Variants in RBFOX1 observed in about 807,000 individuals in gnomAD.
The protein encoded by RBFOX1 is RNA binding protein fox-1 homolog 1.
RBFOX1 carries 8 observed loss-of-function variants against 57.7 expected under a neutral mutation model. That is an observed-to-expected ratio of 0.14 (90% CI 0.08 to 0.25). The LOEUF (loss-of-function observed/expected upper bound fraction) is 0.25, where lower values mean the gene tolerates loss of function less well. RBFOX1 is among the 10% of genes least tolerant of loss of function. The probability of loss-of-function intolerance (pLI) is 1.00; values close to 1 mark genes in which losing one functional copy is unlikely to be tolerated. For synonymous variants in RBFOX1, 326 were observed against 222.4 expected (o/e 1.47, Z -4.15); for missense variants, 611 against 548.5 (o/e 1.11, Z -1.14).
chr16:5,669,890 C>T (rs530741499), intron 3 of RBFOX1, among the ~76,000 whole-genome samples: 1 of 152,174 alleles, frequency 6.6e-6, no homozygotes, highest in Non-Finnish European at 1.5e-5. Context: ...CATGAATGTT[C>T]ATAGCAACAT....
chr16:5,619,185 G>A (rs953163668), intron 3 of RBFOX1, among the ~76,000 whole-genome samples: 1 of 152,126 alleles, frequency 6.6e-6, no homozygotes, highest in East Asian at 1.9e-4. Flanking sequence ...GGCTATGTTC[G>A]TTCTTAAAAA....
At chr16:6,029,522 C>T (rs1042448009) in intron 1 of RBFOX1, among the ~76,000 whole-genome samples, 3 of 152,076 alleles carry the variant, frequency 2.0e-5, no homozygotes, top group Admixed American at 1.3e-4. Context: ...GCCTGTAATC[C>T]CAGCACTTTG....
At chr16:5,808,567 C>T (rs1274621641) in intron 3 of RBFOX1, among the ~76,000 whole-genome samples, 1 of 152,142 alleles carries the variant, frequency 6.6e-6, no homozygotes, top group Admixed American at 6.5e-5. Context: ...AATGTTCTTC[C>T]ATTTGTTTGT....
chr16:7,368,657 G>A (rs990399145), intron 4 of RBFOX1, among the ~76,000 whole-genome samples: 1 of 151,828 alleles, frequency 6.6e-6, no homozygotes, highest in Non-Finnish European at 1.5e-5. Context: ...GCGGGCACCT[G>A]TAGTCCCAGC....
chr16:6,219,675 G>C (rs2097359150), intron 1 of RBFOX1, among the ~76,000 whole-genome samples: 1 of 152,118 alleles, frequency 6.6e-6, no homozygotes, highest in South Asian at 2.1e-4. Flanking sequence ...AGGAGTTCAA[G>C]ACCAGCCTGA....
At chr16:7,221,992 G>C (rs900748810) in intron 4 of RBFOX1, among the ~76,000 whole-genome samples, 9 of 152,204 alleles carry the variant, frequency 5.9e-5, no homozygotes, top group Admixed American at 1.3e-4. Context: ...GAGAGAGGCA[G>C]CATTTTATTT....
chr16:7,559,982 A>C (rs1172985243), intron 5 of RBFOX1, among the ~76,000 whole-genome samples: 1 of 152,168 alleles, frequency 6.6e-6, no homozygotes. Context: ...AAAAGAATGG[A>C]TCCTATTTGT....
chr16:7,537,524 T>A (rs1034988), intron 5 of RBFOX1, among the ~76,000 whole-genome samples: 1 of 152,006 alleles, frequency 6.6e-6, no homozygotes, highest in African/African-American at 2.4e-5. Context: ...AACCACAACT[T>A]CACACTCTTT....
intron 4 of RBFOX1, among the ~76,000 whole-genome samples, chr16:7,237,887 C>T (rs1191059471): frequency 6.6e-6 from 1 of 152,114 alleles, no homozygotes; most frequent in Non-Finnish European, 1.5e-5. Context: ...ACCTGTGAAG[C>T]CAGCTACTCA....
intron 5 of RBFOX1, among the ~76,000 whole-genome samples, chr16:7,562,028 A>C (rs1425925897): frequency 1.3e-5 from 2 of 152,162 alleles, no homozygotes; most frequent in Non-Finnish European, 2.9e-5. Flanking sequence ...GGAAAAAAAA[A>C]ATACTGCAGG....
At chr16:7,454,871 A>G (rs1426169306) in intron 4 of RBFOX1, among the ~76,000 whole-genome samples, 1 of 152,218 alleles carries the variant, frequency 6.6e-6, no homozygotes, top group Non-Finnish European at 1.5e-5. Context: ...CAGGTACCAC[A>G]GTGTTAAAGA....
At position 6,988,774 on chromosome 16, in the gene RBFOX1, T is replaced by C. The variant is rs929958945; in HGVS notation, c.-15-63283T>C. Among the ~76,000 whole-genome samples, 62 of 147,816 alleles carry C rather than the reference T, an allele frequency of 4.2e-4. 1 individual carries two copies. Among genetic ancestry groups the C allele is most frequent in the Non-Finnish European group, 2.1e-4 (14 of 66,708 alleles). On this transcript the variant is annotated intron_variant, in intron 3 of 15. Coordinates refer to ENST00000550418, the MANE Select transcript of RBFOX1 (RefSeq NM_018723.4). Reference sequence around the variant, plus strand: ...TTGTTTTTTGTTTTTTGTTTTTTGTTTTTTGTTTTTGTTTTTAAGATGGAG... The same window carrying C: ...TTGTTTTTTGTTTTTTGTTTTTTGTCTTTTGTTTTTGTTTTTAAGATGGAG...
At chr16:6,957,100 A>AT (rs200790050) in intron 3 of RBFOX1, among the ~76,000 whole-genome samples, 19,841 of 141,930 alleles carry the variant, frequency 0.14, 1,874 homozygotes, top group Middle Eastern at 0.19. Context: ...TATTTATTTT[A>AT]TTTTTTTATT....
At chr16:6,483,901 G>A in intron 2 of RBFOX1, 1 of 1,142,066 alleles carries the variant, frequency 8.8e-7, no homozygotes, top group African/African-American at 1.6e-5. Flanking sequence ...TTTGCAGCGC[G>A]TGAATGGGAC....
rs12597278 is a variant in RBFOX1 at position 7,041,898 on chromosome 16, C to T, written c.-15-10159C>T. 4.2e-3 allele frequency among the ~76,000 whole-genome samples: 630 copies of T among 150,974 alleles called. 6 individuals carry two copies. Among genetic ancestry groups the T allele is most frequent in the East Asian group, 0.026 (125 of 4,866 alleles). ...ATTATGCTCACAATAAAATTAGACA[C>T]TTTGCAGGTACCATATTATCTCTAT... On this transcript the variant is annotated intron_variant, in intron 3 of 15. Coordinates refer to ENST00000550418, the MANE Select transcript of RBFOX1 (RefSeq NM_018723.4).
At chr16:7,033,214 C>G (rs538874217) in intron 3 of RBFOX1, among the ~76,000 whole-genome samples, 18 of 152,200 alleles carry the variant, frequency 1.2e-4, no homozygotes, top group African/African-American at 4.1e-4. Context: ...CGTGCCTTAC[C>G]TCCTCCTTAA....
chr16:7,231,342 A>C (rs2093481234), intron 4 of RBFOX1, among the ~76,000 whole-genome samples: 1 of 152,282 alleles, frequency 6.6e-6, no homozygotes, highest in Non-Finnish European at 1.5e-5. Flanking sequence ...ACTATCGTTC[A>C]CGTGACTAAA....
At position 6,723,530 on chromosome 16, in the gene RBFOX1, A is replaced by G. The variant is rs76906389; in HGVS notation, c.-16+68880A>G. Among the ~76,000 whole-genome samples, 205 of 152,330 alleles carry G rather than the reference A, an allele frequency of 1.3e-3. 2 individuals are homozygous for G. The East Asian group carries it at 0.033, about 24-fold the overall frequency. On this transcript the variant is annotated intron_variant, in intron 3 of 15. Coordinates refer to ENST00000550418, the MANE Select transcript of RBFOX1 (RefSeq NM_018723.4). ...TAGATTGTGTTTGTATGTGCATAAC[A>G]TTTCTGGAAGGTTCTAACACAAGTC... is the stretch of plus-strand genomic sequence containing the variant.
chr16:5,652,482 T>A (rs551128984), intron 3 of RBFOX1, among the ~76,000 whole-genome samples: 2 of 152,186 alleles, frequency 1.3e-5, no homozygotes, highest in Non-Finnish European at 2.9e-5. Flanking sequence ...ACATAAATTA[T>A]TATCTTTAAT....
Sources: gnomAD v4.1 joint callset for allele counts (sites outside exome capture counted in the v4.1 genomes callset) on GRCh38, gnomAD v4.1.1 for gene constraint, MANE v1.5 for transcripts, NCBI Gene and HGNC (gene_info 2026-07-23, HGNC 2026-07-21) for gene names.